Variants in GIPC2 observed in about 807,000 individuals in gnomAD.
The protein encoded by GIPC2 is PDZ domain-containing protein GIPC2.
A neutral mutation model predicts 30.6 loss-of-function variants in GIPC2; 30 were observed. The ratio of observed to expected loss-of-function variants is 0.98; its 90% CI spans 0.73 to 1.33. The LOEUF is 1.33. GIPC2 is among the 40% of genes most tolerant of loss of function. GIPC2 has a pLI of 0.00. For missense variants in GIPC2, 414 were observed against 390.3 expected (o/e 1.06, Z -0.51); for synonymous variants, 167 against 150.0 (o/e 1.11, Z -0.83).
At chr1:78,091,266 T>C (rs1252443199) in intron 2 of GIPC2, among the ~76,000 whole-genome samples, 1 of 152,234 alleles carries the variant, frequency 6.6e-6, no homozygotes, top group African/African-American at 2.4e-5. Flanking sequence ...TATTTACAAC[T>C]GTATGACTGT....
chr1:78,069,182 C>T (rs1222336913), intron 1 of GIPC2: 1 of 620,616 alleles, frequency 1.6e-6, no homozygotes, highest in African/African-American at 2.0e-5. Flanking sequence ...GAATTCTGTT[C>T]TTGGCTGCTC....
At chr1:78,081,328 C>T (rs1661824918) in intron 2 of GIPC2, among the ~76,000 whole-genome samples, 1 of 152,134 alleles carries the variant, frequency 6.6e-6, no homozygotes, top group African/African-American at 2.4e-5. Flanking sequence ...CAACCAACCA[C>T]AGATTAAAGG....
intron 3 of GIPC2, among the ~76,000 whole-genome samples, chr1:78,119,011 C>G (rs1662627609): frequency 6.6e-6 from 1 of 151,332 alleles, no homozygotes; most frequent in African/African-American, 2.4e-5. Flanking sequence ...TTCTATTGGT[C>G]CATTGGGAGA....
chr1:78,065,061 A>G (rs1169069081), intron 1 of GIPC2, among the ~76,000 whole-genome samples: 1 of 151,580 alleles, frequency 6.6e-6, no homozygotes, highest in East Asian at 1.9e-4. Context: ...GAAACTTTGA[A>G]CTCCTAAACT....
intron 3 of GIPC2, among the ~76,000 whole-genome samples, chr1:78,104,934 T>A (rs997959824): frequency 6.6e-6 from 1 of 151,918 alleles, no homozygotes; most frequent in African/African-American, 2.4e-5. Flanking sequence ...TGTAGTAGAG[T>A]TTTTCCTGGC....
chr1:78,124,541 C>T (rs554062189), intron 4 of GIPC2, among the ~76,000 whole-genome samples: 2 of 152,326 alleles, frequency 1.3e-5, no homozygotes, highest in East Asian at 3.9e-4. Context: ...AAGTCCTTTT[C>T]ATGGTACACA....
At chr1:78,054,537 C>A (rs553181952) in intron 1 of GIPC2, among the ~76,000 whole-genome samples, 1 of 152,298 alleles carries the variant, frequency 6.6e-6, no homozygotes, top group South Asian at 2.1e-4. Context: ...CACACTCAAC[C>A]ATTCATTCTC....
At chr1:78,101,631 C>T (rs1382381410) in intron 3 of GIPC2, among the ~76,000 whole-genome samples, 2 of 152,182 alleles carry the variant, frequency 1.3e-5, no homozygotes, top group Admixed American at 6.5e-5. Flanking sequence ...CTTTCCCATA[C>T]TTAACATGGT....
At chr1:78,074,690 C>T (rs1023018755) in intron 1 of GIPC2, among the ~76,000 whole-genome samples, 35 of 152,146 alleles carry the variant, frequency 2.3e-4, no homozygotes, top group Non-Finnish European at 1.2e-4. Flanking sequence ...TCATCTCTTA[C>T]GTTTCTTTTT....
chr1:78,058,723 C>A, intron 1 of GIPC2, among the ~76,000 whole-genome samples: 1 of 152,066 alleles, frequency 6.6e-6, no homozygotes, highest in Admixed American at 6.5e-5. Flanking sequence ...TTTAAATATC[C>A]AAGAATCTTG....
rs1447500157 is a variant in GIPC2, at chr1:78,114,705, A to G, written c.608-4688A>G. 2.0e-5 allele frequency among the ~76,000 whole-genome samples: 3 copies of G among 152,242 alleles called. No individual in the cohort carries two copies. In the East Asian group the frequency reaches 5.8e-4, roughly 29 times the overall value. On this transcript the variant is annotated intron_variant, in intron 3 of 5. Coordinates refer to ENST00000370759, the MANE Select transcript of GIPC2 (RefSeq NM_017655.6). ...TTTTAGGGCAGTAACACCATTTTGT[A>G]TAATGCTACAATGGTGGATATATAT...
chr1:78,088,565 A>G (rs1819258), intron 2 of GIPC2, among the ~76,000 whole-genome samples: 79,101 of 152,102 alleles, frequency 0.52, 21,714 homozygotes, highest in South Asian at 0.64. Flanking sequence ...ACTTATGAAC[A>G]CAAAGGAGGA....
Position 78,096,772 on chromosome 1 carries a change from G to A in GIPC2, c.607+1640G>A, listed in dbSNP as rs956814445. 3.3e-5 allele frequency among the ~76,000 whole-genome samples: 5 copies of A among 152,278 alleles called. No homozygotes were observed. The South Asian group carries it at 1.0e-3, about 32-fold the overall frequency. On this transcript the variant is annotated intron_variant, in intron 3 of 5. Coordinates refer to ENST00000370759, the MANE Select transcript of GIPC2 (RefSeq NM_017655.6). ...ACACATTTGCAAAGTACCCTGAGTAGGATTTTCCTAATAGAGGTATATTAT... is the reference window on the plus strand; with the variant it reads ...ACACATTTGCAAAGTACCCTGAGTAAGATTTTCCTAATAGAGGTATATTAT...
intron 5 of GIPC2, among the ~76,000 whole-genome samples, chr1:78,134,892 C>T (rs755359713): frequency 6.6e-6 from 1 of 152,126 alleles, no homozygotes; most frequent in Non-Finnish European, 1.5e-5. Flanking sequence ...CACTGAGCCT[C>T]TTGGGCTCCC....
rs1661809147 is a variant in GIPC2, at chr1:78,080,705, A to T, written c.271A>T (p.Ile91Phe). ...ILYCTLNTPK[I>F]DMERLLGGQL... The stretch of plus-strand genomic sequence containing the variant: ...ATATTGCACTTTAAACACACCTAAA[A>T]TTGACATGGAAAGACTCTTAGGAGG... The change falls in exon 2 of 6, where the codon ATT becomes TTT. Residue 91 changes from isoleucine to phenylalanine, a missense_variant. Transcript: ENST00000370759. 1 of 1,608,020 alleles carries T rather than the reference A, an allele frequency of 6.2e-7. No individual in the cohort carries two copies. Among genetic ancestry groups the T allele is most frequent in the Non-Finnish European group, 8.5e-7 (1 of 1,175,954 alleles).
chr1:78,109,221 T>C (rs1420117904), intron 3 of GIPC2, among the ~76,000 whole-genome samples: 4 of 152,224 alleles, frequency 2.6e-5, no homozygotes, highest in Non-Finnish European at 5.9e-5. Flanking sequence ...TATTCTGACC[T>C]TGCGGCCTTT....
intron 1 of GIPC2, among the ~76,000 whole-genome samples, chr1:78,052,519 T>A (rs1454305808): frequency 6.6e-6 from 1 of 152,198 alleles, no homozygotes; most frequent in African/African-American, 2.4e-5. Context: ...ACTAATATCT[T>A]ATGTAGGTGT....
intron 1 of GIPC2, among the ~76,000 whole-genome samples, chr1:78,064,003 A>T (rs927178296): frequency 6.6e-6 from 1 of 152,194 alleles, no homozygotes; most frequent in African/African-American, 2.4e-5. Flanking sequence ...GTAAATGCTC[A>T]TAGAATTGCC....
At chr1:78,100,106 A>G (rs921567495) in intron 3 of GIPC2, among the ~76,000 whole-genome samples, 2 of 152,202 alleles carry the variant, frequency 1.3e-5, no homozygotes, top group African/African-American at 4.8e-5. Flanking sequence ...AGTTTAGGAG[A>G]TCATAAATGT....
Sources: gnomAD v4.1 joint callset for allele counts (sites outside exome capture counted in the v4.1 genomes callset) on GRCh38, gnomAD v4.1.1 for gene constraint, MANE v1.5 for transcripts, NCBI Gene and HGNC (gene_info 2026-07-23, HGNC 2026-07-21) for gene names.